The following STAC variants were observed in gnomAD, a reference collection of about 807,000 sequenced individuals.
The protein encoded by STAC is SH3 and cysteine rich domain, also known as SH3 and cysteine-rich domain-containing protein.
In STAC, 43 loss-of-function variants were observed where a neutral mutation model predicts 48.8. The ratio of observed to expected loss-of-function variants is 0.88; its 90% confidence interval spans 0.69 to 1.14. The LOEUF is 1.14. Ranked by LOEUF, STAC falls within the 50% of genes most tolerant of loss-of-function variation. STAC has a pLI of 0.00. For missense variants in STAC, 497 were observed against 504.0 expected (o/e 0.99, Z 0.13); for synonymous variants, 193 against 179.5 (o/e 1.07, Z -0.60).
intron 1 of STAC, among the ~76,000 whole-genome samples, chr3:36,398,686 AAAGAAAAG>A (rs1183224628): frequency 6.7e-6 from 1 of 148,212 alleles, no homozygotes; most frequent in African/African-American, 2.6e-5. Flanking sequence ...AGAAAGAAAG[AAAGAAAAG>A]AAAGAAAGAA....
intron 2 of STAC, among the ~76,000 whole-genome samples, chr3:36,460,690 C>G (rs1696992329): frequency 6.6e-6 from 1 of 152,080 alleles, no homozygotes; most frequent in South Asian, 2.1e-4. Context: ...AGTGCAGAGG[C>G]TGGAAAACCT....
chr3:36,430,670 G>A (rs751481351), intron 1 of STAC, among the ~76,000 whole-genome samples: 1 of 152,162 alleles, frequency 6.6e-6, no homozygotes, highest in Non-Finnish European at 1.5e-5. Flanking sequence ...TGCCATAACA[G>A]AGTACCACAG....
At chr3:36,432,624 G>T (rs1278979327) in intron 1 of STAC, among the ~76,000 whole-genome samples, 3 of 151,842 alleles carry the variant, frequency 2.0e-5, no homozygotes, top group Non-Finnish European at 4.4e-5. Flanking sequence ...AATTTCTTGA[G>T]CCCAGGAGGC....
rs981929259 is a variant in STAC at position 36,386,236 on chromosome 3, G to A, written c.111+5482G>A. ...ATTTCCCCAATGACTAATAAGCTTA[G>A]CAGTTTTTACATGTTTATGGCATTT... On this transcript the variant is annotated intron_variant, in intron 1 of 10. Transcript: ENST00000273183. Among the ~76,000 whole-genome samples the A allele has an allele frequency of 4.0e-5, 6 of 151,882 alleles. No homozygotes were observed. In the East Asian group the frequency reaches 9.6e-4, roughly 24 times the overall value.
At chr3:36,424,084 A>G (rs995154007) in intron 1 of STAC, among the ~76,000 whole-genome samples, 2 of 152,174 alleles carry the variant, frequency 1.3e-5, no homozygotes, top group Non-Finnish European at 2.9e-5. Context: ...CCCCAGCAAA[A>G]TGGATGACAG....
intron 8 of STAC, among the ~76,000 whole-genome samples, chr3:36,509,753 C>T (rs966846494): frequency 3.3e-5 from 5 of 151,716 alleles, no homozygotes; most frequent in African/African-American, 9.7e-5. Flanking sequence ...AACTGGCTAG[C>T]CATATGCAGA....
intron 1 of STAC, among the ~76,000 whole-genome samples, chr3:36,420,929 C>T (rs1700435103): frequency 6.6e-6 from 1 of 152,154 alleles, no homozygotes. Flanking sequence ...CCTCATATTT[C>T]CCATATTTCC....
At chr3:36,531,497 T>C (rs1046575813) in intron 10 of STAC, among the ~76,000 whole-genome samples, 1 of 152,184 alleles carries the variant, frequency 6.6e-6, no homozygotes, top group Admixed American at 6.5e-5. Flanking sequence ...AATGGAGAGA[T>C]GCAGACAGGG....
In STAC at chr3:36,512,228, G is replaced by C. The variant is rs564208533; in HGVS notation, c.920+6394G>C. ...CCTGAACAGTCTAGCATAATCAGTG[G>C]GAGAGGAGGAGACGGGCTTTATCAA... On this transcript the variant is annotated intron_variant, in intron 8 of 10. Coordinates refer to ENST00000273183, the MANE Select transcript of STAC (RefSeq NM_003149.3). Among the ~76,000 whole-genome samples, 36 of 152,250 alleles carry C rather than the reference G, an allele frequency of 2.4e-4. 2 individuals are homozygous for C. The South Asian group carries it at 7.2e-3, about 31-fold the overall frequency.
intron 1 of STAC, among the ~76,000 whole-genome samples, chr3:36,406,022 A>G (rs1286666487): frequency 1.3e-5 from 2 of 152,186 alleles, no homozygotes; most frequent in African/African-American, 4.8e-5. Flanking sequence ...AACAACTAGC[A>G]GATCTCTTCC....
At position 36,547,347 on chromosome 3, in the gene STAC, A is replaced by C. The variant is rs1015080968; in HGVS notation, c.*1058A>C. 3.3e-5 allele frequency: 5 copies of C among 152,648 alleles called. No homozygotes were observed. The highest frequency in any genetic ancestry group is 5.9e-5 in the Non-Finnish European group (4 of 68,028). 9.5% of individuals were successfully genotyped at this position (152,648 alleles called of 1,614,324 possible). ...CATTCTTCTTTAGGGCAGTATATGA[A>C]ATCCTAGCAGATGTAAAATGGAAAA... On this transcript the variant is annotated 3_prime_UTR_variant, in exon 11 of 11. Coordinates refer to ENST00000273183, the MANE Select transcript of STAC (RefSeq NM_003149.3).
intron 8 of STAC, among the ~76,000 whole-genome samples, chr3:36,523,795 C>A (rs185026018): frequency 6.6e-6 from 1 of 152,292 alleles, no homozygotes; most frequent in East Asian, 1.9e-4. Flanking sequence ...CCTTTGGGAC[C>A]AATGGCACGG....
At chr3:36,526,795 C>T (rs1330671567) in intron 8 of STAC, among the ~76,000 whole-genome samples, 1 of 152,150 alleles carries the variant, frequency 6.6e-6, no homozygotes, top group Non-Finnish European at 1.5e-5. Flanking sequence ...GAAATAAGAA[C>T]TGTGTTGAGA....
chr3:36,443,531 G>A lies in STAC; in HGVS notation c.279G>A (p.Thr93=), dbSNP rs375259221. ...CACTCCCTGCTCCAGGAAGCCTGAC[G>A]TCCACACCCGCCAGGGCTGGTCTGC... is the stretch of plus-strand genomic sequence containing the variant. The part of the protein sequence containing the change: ...SSPLPAPGSL[T]STPARAGLHP... Residue 93 remains threonine (T), a synonymous_variant, in exon 2 of 11, where the codon ACG becomes ACA. Coordinates refer to ENST00000273183, the MANE Select transcript of STAC (RefSeq NM_003149.3). The surrounding 1 kb of genome is among the most constrained non-coding windows in gnomAD (Gnocchi z 4.2). The A allele has an allele frequency of 2.6e-5, 42 of 1,614,044 alleles. No individual in the cohort carries two copies. The highest frequency in any genetic ancestry group is 2.5e-4 in the Admixed American group (15 of 59,998).
intron 1 of STAC, among the ~76,000 whole-genome samples, chr3:36,398,568 G>GGAAA (rs1448951380): frequency 1.8e-5 from 1 of 56,856 alleles, no homozygotes; most frequent in Non-Finnish European, 3.2e-5. Context: ...AGGGAAGGAA[G>GGAAA]GAAGGAAGGA....
intron 2 of STAC, among the ~76,000 whole-genome samples, chr3:36,453,168 G>T (rs1696735078): frequency 6.6e-6 from 1 of 152,260 alleles, no homozygotes. Context: ...GCATATGAGA[G>T]GTGACAGCGT....
chr3:36,513,809 T>C (rs77895969), intron 8 of STAC, among the ~76,000 whole-genome samples: 65 of 151,950 alleles, frequency 4.3e-4, no homozygotes, highest in African/African-American at 1.5e-3. Flanking sequence ...CAAAAGTAGA[T>C]GCTTCCTTTC....
chr3:36,381,148 C>A lies in STAC; in HGVS notation c.111+394C>A, dbSNP rs555881010. Among the ~76,000 whole-genome samples, 18 of 152,128 alleles carry A rather than the reference C, an allele frequency of 1.2e-4. No homozygotes were observed. In the East Asian group the frequency reaches 3.5e-3, roughly 29 times the overall value. The stretch of plus-strand genomic sequence containing the variant: ...CTTCCAGAAAAGCTTGAGTACTGGG[C>A]CAGAAAAGCATGTATGTATCCCAAG... On this transcript the variant is annotated intron_variant, in intron 1 of 10. Transcript: ENST00000273183.
intron 2 of STAC, among the ~76,000 whole-genome samples, chr3:36,481,162 G>A (rs1697635463): frequency 6.6e-6 from 1 of 152,146 alleles, no homozygotes; most frequent in South Asian, 2.1e-4. Flanking sequence ...GTAGAGAGCT[G>A]AGGAATTAAA....
Sources: gnomAD v4.1 joint callset for allele counts (sites outside exome capture counted in the v4.1 genomes callset) on GRCh38, gnomAD v4.1.1 for gene constraint, Gnocchi (gnomAD v3.1) non-coding constraint, MANE v1.5 for transcripts, NCBI Gene and HGNC (gene_info 2026-07-23, HGNC 2026-07-21) for gene names.